The following MOK variants were observed in gnomAD, a reference collection of about 807,000 sequenced individuals.
MOK encodes MOK protein kinase, also known as MAPK/MAK/MRK overlapping kinase.
In MOK, 59 loss-of-function variants were observed where a neutral mutation model predicts 54.2. The ratio of observed to expected loss-of-function variants is 1.09; its 90% CI spans 0.88 to 1.35. The LOEUF (loss-of-function observed/expected upper bound fraction) is 1.35, where lower values mean the gene tolerates loss of function less well. Among genes scored for constraint, MOK ranks in the 40% most tolerant of loss-of-function variants. MOK has a pLI of 0.00. For missense variants in MOK, 517 were observed against 526.2 expected (o/e 0.98, Z 0.17); for synonymous variants, 210 against 202.7 (o/e 1.04, Z -0.31).
intron 2 of MOK, among the ~76,000 whole-genome samples, chr14:102,278,876 T>C (rs1363563741): frequency 6.6e-6 from 1 of 152,246 alleles, no homozygotes; most frequent in Non-Finnish European, 1.5e-5. Flanking sequence ...ACTTGTATTA[T>C]CTGTTATGGA....
At chr14:102,253,638 G>T (rs1401164960) in intron 4 of MOK, among the ~76,000 whole-genome samples, 1 of 152,218 alleles carries the variant, frequency 6.6e-6, no homozygotes, top group Non-Finnish European at 1.5e-5. Flanking sequence ...CAGCACCTGG[G>T]CTGGCTGTGC....
chr14:102,221,635 A>G (rs2063909815), downstream of MOK, among the ~76,000 whole-genome samples: 1 of 152,210 alleles, frequency 6.6e-6, no homozygotes, highest in Admixed American at 6.5e-5. This position sits in a 1 kb window ranked among gnomAD's most constrained non-coding sequence, Gnocchi z 4.8. Flanking sequence ...GAGCTTGTCT[A>G]GGTGAACAGA....
chr14:102,229,898 T>C, intron 10 of MOK: 1 of 512,614 alleles, frequency 2.0e-6, no homozygotes, highest in Non-Finnish European at 3.4e-6. Flanking sequence ...AGCTGAGCAG[T>C]GCGGGCGGCA....
At chr14:102,297,618 C>T (rs1041526934) in intron 1 of MOK, among the ~76,000 whole-genome samples, 15 of 152,308 alleles carry the variant, frequency 9.8e-5, no homozygotes, top group African/African-American at 3.1e-4. Context: ...CTGGGCTGGC[C>T]GGGGCCAGAG....
At position 102,240,056 on chromosome 14, in the gene MOK, G is replaced by A. The variant is rs1264344972; in HGVS notation, c.591-6267C>T. ...GAAAATGGCCAGCCCTGCCTTAACT[G>A]ATGACATTACCTTGTGAAATTCCTT... On this transcript the variant is annotated intron_variant, in intron 7 of 11. Coordinates refer to ENST00000361847, the MANE Select transcript of MOK (RefSeq NM_014226.3). The surrounding 1 kb of genome is among the most constrained non-coding windows in gnomAD (Gnocchi z 5.4). Among the ~76,000 whole-genome samples, 1 of 152,120 alleles carries A rather than the reference G, an allele frequency of 6.6e-6. No homozygotes were observed. The highest frequency in any genetic ancestry group is 2.4e-5 in the African/African-American group (1 of 41,422).
intron 1 of MOK, among the ~76,000 whole-genome samples, chr14:102,292,577 G>A (rs1345970692): frequency 5.3e-5 from 8 of 152,154 alleles, no homozygotes; most frequent in South Asian, 2.1e-4. Context: ...TTCCAGGACC[G>A]GCCTGGGAAG....
intron 1 of MOK, among the ~76,000 whole-genome samples, chr14:102,292,876 G>A (rs1234995141): frequency 6.6e-6 from 1 of 152,188 alleles, no homozygotes; most frequent in Non-Finnish European, 1.5e-5. Flanking sequence ...GCTCATGCCT[G>A]TAATCCCAGC....
chr14:102,275,303 G>A (rs535426298), intron 2 of MOK, among the ~76,000 whole-genome samples: 11 of 152,282 alleles, frequency 7.2e-5, no homozygotes, highest in South Asian at 6.2e-4. Context: ...GGCGGCTCAC[G>A]CCTGTAATCC....
At chr14:102,274,007 G>T (rs2068618229) in intron 2 of MOK, among the ~76,000 whole-genome samples, 1 of 151,850 alleles carries the variant, frequency 6.6e-6, no homozygotes, top group South Asian at 2.1e-4. Context: ...GCCCAGGCTG[G>T]AGTGCAGTGG....
intron 1 of MOK, among the ~76,000 whole-genome samples, chr14:102,294,233 T>G (rs1227282838): frequency 6.7e-6 from 1 of 149,532 alleles, no homozygotes; most frequent in Admixed American, 6.6e-5. Flanking sequence ...GATCACGAGG[T>G]CAGGAGATCA....
chr14:102,250,892 C>T lies in MOK; in HGVS notation c.510G>A (p.Pro170=), dbSNP rs780878428. The change falls in exon 7 of 12, where the codon CCG becomes CCA. Residue 170 remains proline, a synonymous_variant. Coordinates refer to ENST00000361847, the MANE Select transcript of MOK (RefSeq NM_014226.3). The stretch of plus-strand genomic sequence containing the variant: ...AGAACCCATCAGTGAGGAGACACTC[C>T]GGGGCCCGGTACCAGCGGGTGGAGA... The part of the protein sequence containing the change: ...EYISTRWYRA[P]ECLLTDGFYT... The T allele has an allele frequency of 1.6e-5, 26 of 1,613,940 alleles. No homozygotes were observed. The highest frequency in any genetic ancestry group is 2.2e-5 in the East Asian group (1 of 44,846).
At position 102,231,588 on chromosome 14, in the gene MOK, G is replaced by T; in HGVS notation, c.981+119C>A. ...CTCGCATGCTGTTCAGGCCTCGACT[G>T]ACAATGTGGTCTGCCACAGCCTCCA... On this transcript the variant is annotated intron_variant, in intron 10 of 11. Coordinates refer to ENST00000361847, the MANE Select transcript of MOK (RefSeq NM_014226.3). This position sits in a 1 kb window ranked among gnomAD's most constrained non-coding sequence, Gnocchi z 4.4. 1 of 823,060 alleles carries T rather than the reference G, an allele frequency of 1.2e-6. No homozygotes were observed. The highest frequency in any genetic ancestry group is 2.0e-6 in the Non-Finnish European group (1 of 497,178). 51.0% of individuals were successfully genotyped at this position (823,060 alleles called of 1,614,324 possible).
At chr14:102,294,407 C>G (rs1384155039) in intron 1 of MOK, among the ~76,000 whole-genome samples, 2 of 148,848 alleles carry the variant, frequency 1.3e-5, no homozygotes, top group African/African-American at 5.0e-5. Flanking sequence ...GATAGCGCCA[C>G]TGCACTCCAG....
chr14:102,244,185 T>A (rs1183750745), intron 7 of MOK, among the ~76,000 whole-genome samples: 1 of 151,758 alleles, frequency 6.6e-6, no homozygotes, highest in African/African-American at 2.4e-5. Flanking sequence ...CAGACCCCAC[T>A]GCTCGGGGCA....
intron 2 of MOK, among the ~76,000 whole-genome samples, chr14:102,281,703 C>A (rs2069461056): frequency 6.6e-6 from 1 of 151,856 alleles, no homozygotes; most frequent in South Asian, 2.1e-4. Flanking sequence ...CCTCAGCCTC[C>A]CAAGTAGCTG....
Position 102,232,003 on chromosome 14 carries a change from C to T in MOK, c.867-182G>A, listed in dbSNP as rs1233388065. On this transcript the variant is annotated intron_variant, in intron 9 of 11. Coordinates refer to ENST00000361847, the MANE Select transcript of MOK (RefSeq NM_014226.3). The surrounding 1 kb of genome is among the most constrained non-coding windows in gnomAD (Gnocchi z 5.1). ...TGTCTCAGCCTGACAGTCTCTGGGC[C>T]AGGAACAGAGCTGGCTCCATGAATC... The T allele has an allele frequency of 1.1e-5, 6 of 534,938 alleles. No individual in the cohort carries two copies. The highest frequency in any genetic ancestry group is 1.7e-5 in the Non-Finnish European group (5 of 302,786). 33.1% of individuals were successfully genotyped at this position (534,938 alleles called of 1,614,324 possible).
At chr14:102,282,032 C>G (rs1194428485) in intron 2 of MOK, among the ~76,000 whole-genome samples, 1 of 152,172 alleles carries the variant, frequency 6.6e-6, no homozygotes, top group African/African-American at 2.4e-5. Flanking sequence ...GAAAAAATGT[C>G]AAATTACCTC....
At chr14:102,229,411 G>C (rs760736678) in intron 11 of MOK, 45 bp from the exon 12 acceptor site, 1 of 1,614,062 alleles carries the variant, frequency 6.2e-7, no homozygotes, top group South Asian at 1.1e-5. Context: ...GGCGGCCTGG[G>C]CTGGGTCGAA....
At chr14:102,255,673 A>G (rs1174640975) in intron 4 of MOK, among the ~76,000 whole-genome samples, 1 of 152,238 alleles carries the variant, frequency 6.6e-6, no homozygotes, top group Non-Finnish European at 1.5e-5. Flanking sequence ...AAGCTTCTCC[A>G]GAACAAACTT....
Sources: gnomAD v4.1 joint callset for allele counts (sites outside exome capture counted in the v4.1 genomes callset) on GRCh38, gnomAD v4.1.1 for gene constraint, Gnocchi (gnomAD v3.1) non-coding constraint, MANE v1.5 for transcripts, NCBI Gene and HGNC (gene_info 2026-07-23, HGNC 2026-07-21) for gene names.